TASP1: variants seen among roughly 807,000 people sequenced by gnomAD.
The protein encoded by TASP1 is taspase 1.
A neutral mutation model predicts 56.6 loss-of-function variants in TASP1; 16 were observed. That is an observed-to-expected ratio of 0.28 (90% CI 0.19 to 0.43). The LOEUF is 0.43. Among genes scored for constraint, TASP1 ranks in the 20% least tolerant of loss-of-function variants. TASP1 has a pLI of 1.00. For synonymous variants in TASP1, 179 were observed against 184.2 expected (o/e 0.97, Z 0.23); for missense variants, 393 against 511.6 (o/e 0.77, Z 2.24).
chr20:13,387,184 A>ATTTTTTTTTTTTTTTTTTTTTTTTT (rs779048448), downstream of TASP1, among the ~76,000 whole-genome samples: 30 of 70,702 alleles, frequency 4.2e-4, 4 homozygotes, highest in African/African-American at 1.8e-3. Flanking sequence ...ACATGATTTC[A>ATTTTTTTTTTTTTTTTTTTTTTTTT]TTTTTTTTTT....
intron 8 of TASP1, among the ~76,000 whole-genome samples, chr20:13,538,047 G>A (rs957407600): frequency 6.7e-6 from 1 of 148,718 alleles, no homozygotes; most frequent in Non-Finnish European, 1.5e-5. Context: ...TTGTTGCCCA[G>A]GCTGGAGTGC....
the TASP1 span, among the ~76,000 whole-genome samples, chr20:13,149,708 A>G: frequency 1.3e-5 from 2 of 152,194 alleles, no homozygotes; most frequent in South Asian, 2.1e-4. Context: ...GGAGTCAGAT[A>G]CCCCTGGATA....
chr20:13,528,219 CAAAA>C lies in TASP1; in HGVS notation c.874+210_874+213del, dbSNP rs397942980. On this transcript the variant is annotated intron_variant, in intron 10 of 13. Transcript: ENST00000337743. ...ATGGGGACAGAGTGAGACTCTGACT[CAAAA>C]AAAAAAAAAAAAAAAAAAAAAGAAA... Among the ~76,000 whole-genome samples the C allele has an allele frequency of 5.5e-3, 299 of 54,326 alleles. 1 individual carries two copies. The highest frequency in any genetic ancestry group is 0.029 in the Middle Eastern group (2 of 68). 35.6% of individuals were successfully genotyped at this position (54,326 alleles called of 152,430 possible).
chr20:13,195,552 A>G, the TASP1 span, among the ~76,000 whole-genome samples: 1 of 152,190 alleles, frequency 6.6e-6, no homozygotes, highest in African/African-American at 2.4e-5. Flanking sequence ...GTGGCACAGC[A>G]TGATTAAACT....
chr20:13,300,860 G>T, the TASP1 span, among the ~76,000 whole-genome samples: 10 of 152,350 alleles, frequency 6.6e-5, no homozygotes, highest in Middle Eastern at 3.4e-3. Context: ...TGACACATGT[G>T]TGACTTTTTG....
downstream of TASP1, chr20:13,389,314 T>A (rs1181269798): frequency 6.6e-6 from 1 of 152,150 alleles, no homozygotes; most frequent in Admixed American, 6.5e-5. Flanking sequence ...CTTGGAACAA[T>A]CAGAACAACA....
chr20:13,207,553 GGT>G, the TASP1 span, among the ~76,000 whole-genome samples: 1 of 152,190 alleles, frequency 6.6e-6, no homozygotes, highest in Non-Finnish European at 1.5e-5. Flanking sequence ...CAGGAAAGTT[GGT>G]GGTGCAGTTC....
the TASP1 span, among the ~76,000 whole-genome samples, chr20:13,161,175 G>A: frequency 6.6e-6 from 1 of 152,194 alleles, no homozygotes; most frequent in South Asian, 2.1e-4. Context: ...TGCATATGTG[G>A]GAAGAGAGAA....
intron 11 of TASP1, among the ~76,000 whole-genome samples, chr20:13,441,511 G>A (rs142380115): frequency 6.6e-6 from 1 of 152,306 alleles, no homozygotes; most frequent in Non-Finnish European, 1.5e-5. Context: ...AGCTAACCAT[G>A]TGATAATCTG....
the TASP1 span, among the ~76,000 whole-genome samples, chr20:13,235,014 C>G: frequency 3.3e-5 from 5 of 152,168 alleles, no homozygotes; most frequent in Admixed American, 6.5e-5. Context: ...TTGCAGGTCC[C>G]AGAAAGCACT....
intron 9 of TASP1, among the ~76,000 whole-genome samples, chr20:13,531,985 G>C (rs2045239669): frequency 6.6e-6 from 1 of 152,096 alleles, no homozygotes; most frequent in Admixed American, 6.6e-5. Flanking sequence ...ATTGTTAGTA[G>C]AGATGGCGTG....
At chr20:13,411,849 C>G (rs980101202) in intron 13 of TASP1, among the ~76,000 whole-genome samples, 3 of 152,232 alleles carry the variant, frequency 2.0e-5, no homozygotes, top group Non-Finnish European at 4.4e-5. Flanking sequence ...TTTCTTCACT[C>G]TCTTACCCTG....
At chr20:13,599,524 T>C (rs1328760177) in intron 4 of TASP1, among the ~76,000 whole-genome samples, 1 of 152,080 alleles carries the variant, frequency 6.6e-6, no homozygotes, top group Non-Finnish European at 1.5e-5. Flanking sequence ...CCAGGGCCTG[T>C]CAGGCGGTGG....
At chr20:13,207,616 C>T in the TASP1 span, among the ~76,000 whole-genome samples, 1 of 152,180 alleles carries the variant, frequency 6.6e-6, no homozygotes, top group African/African-American at 2.4e-5. Flanking sequence ...TAGGAGAAGA[C>T]TGATATCCCA....
Position 13,460,426 on chromosome 20 carries a change from G to C in TASP1, c.985+22801C>G, listed in dbSNP as rs551598857. ...TTCTTTTATCTGCATCGATTTTCCT[G>C]ATCTCATATCATGTATCACTTTAAA... On this transcript the variant is annotated intron_variant, in intron 11 of 13. Transcript: ENST00000337743. Among the ~76,000 whole-genome samples the C allele has an allele frequency of 1.3e-3, 201 of 152,124 alleles. 1 individual carries two copies. Among genetic ancestry groups the C allele is most frequent in the African/African-American group, 4.5e-3 (187 of 41,506 alleles).
the TASP1 span, among the ~76,000 whole-genome samples, chr20:13,380,086 C>T: frequency 2.0e-5 from 3 of 152,214 alleles, no homozygotes; most frequent in Non-Finnish European, 2.9e-5. Context: ...ATTCATCAAA[C>T]TCATTCTCCA....
intron 10 of TASP1, among the ~76,000 whole-genome samples, chr20:13,510,729 T>C (rs1396609851): frequency 6.6e-6 from 1 of 152,212 alleles, no homozygotes; most frequent in Non-Finnish European, 1.5e-5. Context: ...AGGCCCTGTT[T>C]GACCTCTCTG....
At chr20:13,606,121 G>A (rs765020874) in intron 4 of TASP1, among the ~76,000 whole-genome samples, 16 of 121,200 alleles carry the variant, frequency 1.3e-4, no homozygotes, top group Admixed American at 6.5e-4. Context: ...AATATAGACT[G>A]CATGTGTGTG....
the TASP1 span, among the ~76,000 whole-genome samples, chr20:13,355,496 C>T: frequency 2.6e-5 from 4 of 152,206 alleles, no homozygotes; most frequent in African/African-American, 4.8e-5. Context: ...TGGCTCAGCT[C>T]GCAATACTAA....
Sources: allele counts gnomAD v4.1 joint callset (sites outside exome capture counted in the v4.1 genomes callset), GRCh38; gene constraint gnomAD v4.1.1; transcripts MANE v1.5; gene names NCBI Gene and HGNC (gene_info 2026-07-23, HGNC 2026-07-21).